Variants in PARD3 observed in about 807,000 individuals in gnomAD.
PARD3 encodes the protein partitioning defective 3 homolog.
A neutral mutation model predicts 155.4 loss-of-function variants in PARD3; 75 were observed. The observed-to-expected ratio is 0.48, with a 90% CI of 0.40 to 0.58. PARD3 has a LOEUF of 0.58. Ranked by LOEUF, PARD3 falls within the 20% of genes least tolerant of loss-of-function variation. The pLI is 0.00. For missense variants in PARD3, 1,642 were observed against 1,721.7 expected, an observed-to-expected ratio of 0.95 and a Z score of 0.82; for synonymous variants, 576 against 610.5, an observed-to-expected ratio of 0.94 and a Z score of 0.83.
chr10:34,586,977 G>A (rs189145193), intron 2 of PARD3, among the ~76,000 whole-genome samples: 125 of 152,288 alleles, frequency 8.2e-4, no homozygotes, highest in African/African-American at 2.8e-3. Context: ...TCATGTAGGG[G>A]TGATACGGGA....
intron 20 of PARD3, among the ~76,000 whole-genome samples, chr10:34,286,733 G>A (rs1353161130): frequency 6.6e-6 from 1 of 152,328 alleles, no homozygotes; most frequent in East Asian, 1.9e-4. Context: ...GCCACTGAAG[G>A]ATTTGGAACA....
intron 1 of PARD3, among the ~76,000 whole-genome samples, chr10:34,697,193 TGAA>T (rs752686229): frequency 9.8e-5 from 15 of 152,322 alleles, no homozygotes; most frequent in East Asian, 5.8e-4. Flanking sequence ...TCAAATGATC[TGAA>T]GAAGAAACAT....
intron 3 of PARD3, among the ~76,000 whole-genome samples, chr10:34,516,244 C>T (rs1224208531): frequency 6.6e-6 from 1 of 152,186 alleles, no homozygotes; most frequent in East Asian, 1.9e-4. Context: ...GGATTATAGG[C>T]ATAAGCCACC....
rs7478379 is a variant in PARD3 at position 34,157,305 on chromosome 10, C to T, written c.3420-25722G>A. On this transcript the variant is annotated intron_variant, in intron 22 of 24. Coordinates refer to ENST00000374788, the MANE Select transcript of PARD3 (RefSeq NM_001184785.2). The stretch of plus-strand genomic sequence containing the variant: ...GCTCAGCTGTCTTAGATTCATGCTG[C>T]GTTGTAGCTGTTTGTTTACTGGACT... Among the ~76,000 whole-genome samples, 58 of 152,210 alleles carry T rather than the reference C, an allele frequency of 3.8e-4. No homozygotes were observed. In the East Asian group the frequency reaches 0.01, roughly 27 times the overall value.
At chr10:34,555,014 T>C (rs886402590) in intron 2 of PARD3, among the ~76,000 whole-genome samples, 1 of 152,168 alleles carries the variant, frequency 6.6e-6, no homozygotes, top group Non-Finnish European at 1.5e-5. Context: ...TTTAGGACAG[T>C]GAAACTATAT....
chr10:34,674,232 G>C (rs1438363697), intron 2 of PARD3, among the ~76,000 whole-genome samples: 1 of 152,104 alleles, frequency 6.6e-6, no homozygotes, highest in Admixed American at 6.5e-5. Flanking sequence ...ATCCCCACCA[G>C]CTCGACAGTT....
chr10:34,210,884 C>A (rs1341816051), intron 22 of PARD3, among the ~76,000 whole-genome samples: 2 of 152,170 alleles, frequency 1.3e-5, no homozygotes, highest in African/African-American at 4.8e-5. Flanking sequence ...GCTGCACACT[C>A]TCCTATGACC....
At chr10:34,671,767 A>AT (rs1227274905) in intron 2 of PARD3, among the ~76,000 whole-genome samples, 3 of 152,204 alleles carry the variant, frequency 2.0e-5, no homozygotes, top group Non-Finnish European at 4.4e-5. Context: ...TTAACTGTAC[A>AT]ATCTGTACTT....
chr10:34,384,103 C>T, intron 8 of PARD3, 26 bp downstream of exon 8: 2 of 1,608,004 alleles, frequency 1.2e-6, no homozygotes, highest in Non-Finnish European at 1.7e-6. Flanking sequence ...CAAGTAAGAA[C>T]AGAAGTGCAG....
chr10:34,212,612 GCCCTACAGC>G (rs1951807515), intron 22 of PARD3, among the ~76,000 whole-genome samples: 2 of 151,820 alleles, frequency 1.3e-5, no homozygotes, highest in Admixed American at 1.3e-4. Context: ...TACCTGGTGC[GCCCTACAGC>G]CCCTCGTGGA....
chr10:34,763,064 C>T (rs1438312711), intron 1 of PARD3, among the ~76,000 whole-genome samples: 1 of 152,178 alleles, frequency 6.6e-6, no homozygotes, highest in East Asian at 1.9e-4. Context: ...GGGGCAGAAC[C>T]ACTGCCCAGA....
chr10:34,629,824 C>A (rs1277495635), intron 2 of PARD3, among the ~76,000 whole-genome samples: 1 of 152,164 alleles, frequency 6.6e-6, no homozygotes, highest in Non-Finnish European at 1.5e-5. Flanking sequence ...GATAATCTGT[C>A]ATTTTCTGTA....
At chr10:34,625,133 C>CA (rs2091916948) in intron 2 of PARD3, among the ~76,000 whole-genome samples, 1 of 152,210 alleles carries the variant, frequency 6.6e-6, no homozygotes, top group African/African-American at 2.4e-5. Flanking sequence ...ATCTATAAGA[C>CA]AGAGTCAAAA....
At position 34,743,721 on chromosome 10, in the gene PARD3, T is replaced by C. The variant is rs943014998; in HGVS notation, c.121-47302A>G. 7.2e-5 allele frequency among the ~76,000 whole-genome samples: 11 copies of C among 152,306 alleles called. No individual in the cohort carries two copies. The South Asian group carries it at 1.7e-3, about 23-fold the overall frequency. On this transcript the variant is annotated intron_variant, in intron 1 of 24. Transcript: ENST00000374788. The stretch of plus-strand genomic sequence containing the variant: ...TCTGAACTTGAAGTCATTGTTCCAT[T>C]TCACATGAAGATTGAACCTGCACAT...
At chr10:34,376,513 A>G (rs1589361075) in intron 10 of PARD3, among the ~76,000 whole-genome samples, 1 of 152,324 alleles carries the variant, frequency 6.6e-6, no homozygotes, top group South Asian at 2.1e-4. Context: ...ACGTGGGCTA[A>G]CGTACCACTC....
At chr10:34,367,391 T>C (rs1272277597) in intron 12 of PARD3, among the ~76,000 whole-genome samples, 1 of 152,216 alleles carries the variant, frequency 6.6e-6, no homozygotes, top group East Asian at 1.9e-4. Flanking sequence ...TTCGTAACTA[T>C]AACACAGTTA....
At chr10:34,505,730 G>A (rs1443383211) in intron 3 of PARD3, among the ~76,000 whole-genome samples, 1 of 152,160 alleles carries the variant, frequency 6.6e-6, no homozygotes, top group Non-Finnish European at 1.5e-5. Flanking sequence ...CTATTATAAA[G>A]TGTAAAATAT....
At chr10:34,239,686 C>T (rs1396054242) in intron 22 of PARD3, among the ~76,000 whole-genome samples, 9 of 151,750 alleles carry the variant, frequency 5.9e-5, no homozygotes, top group African/African-American at 2.2e-4. Context: ...GCCTGTGATC[C>T]CAGCTACTCA....
At position 34,171,950 on chromosome 10, in the gene PARD3, C is replaced by CAAAAAAAAAAA. The variant is rs71033303; in HGVS notation, c.3420-40378_3420-40368dup. 1.3e-4 allele frequency among the ~76,000 whole-genome samples: 6 copies of CAAAAAAAAAAA among 47,248 alleles called. 1 individual carries two copies. The highest frequency in any genetic ancestry group is 5.8e-4 in the African/African-American group (6 of 10,304). The allele number at this position is 47,248 out of a possible 152,430, so 31.0% of individuals were successfully genotyped here. On this transcript the variant is annotated intron_variant, in intron 22 of 24. Transcript: ENST00000374788. ...GGGTGACAGAGATGAGACTCCATCT[C>CAAAAAAAAAAA]AAAAAAAAAAAAAAAAAAAAAAAAA...
Sources: allele counts gnomAD v4.1 joint callset (sites outside exome capture counted in the v4.1 genomes callset), GRCh38; gene constraint gnomAD v4.1.1; transcripts MANE v1.5; gene names NCBI Gene and HGNC (gene_info 2026-07-23, HGNC 2026-07-21).